The following PCDHA8 variants were observed in gnomAD, a reference collection of about 807,000 sequenced individuals.
PCDHA8 encodes protocadherin alpha-8.
Under a neutral mutation model 61.8 loss-of-function variants are expected in PCDHA8, and 53 were observed. The ratio of observed to expected loss-of-function variants is 0.86; its 90% confidence interval spans 0.69 to 1.08. The LOEUF (loss-of-function observed/expected upper bound fraction) is 1.08. PCDHA8 is among the 50% of genes least tolerant of loss of function. The pLI is 0.00. For missense variants in PCDHA8, 1,293 were observed against 1,245.0 expected, an observed-to-expected ratio of 1.04 and a Z score of -0.58; for synonymous variants, 618 against 556.6, an observed-to-expected ratio of 1.11 and a Z score of -1.55.
chr5:140,865,243 T>C (rs1554159328), intron 1 of PCDHA8: 1 of 152,228 alleles, frequency 6.6e-6, no homozygotes, highest in Non-Finnish European at 1.5e-5. Flanking sequence ...CACGTATTTA[T>C]AGCTGTAAGG....
intron 1 of PCDHA8, among the ~76,000 whole-genome samples, chr5:140,975,776 A>G (rs1554237009): frequency 1.3e-5 from 2 of 152,152 alleles, no homozygotes; most frequent in African/African-American, 2.4e-5. Flanking sequence ...AGATAATACC[A>G]TTACAAGATA....
intron 1 of PCDHA8, among the ~76,000 whole-genome samples, chr5:140,956,813 T>C (rs1306502330): frequency 6.6e-6 from 1 of 152,176 alleles, no homozygotes; most frequent in African/African-American, 2.4e-5. Context: ...TATTATTGCT[T>C]CAATTTGTAA....
intron 1 of PCDHA8, among the ~76,000 whole-genome samples, chr5:140,936,532 A>G (rs1431070462): frequency 6.6e-6 from 1 of 152,222 alleles, no homozygotes; most frequent in East Asian, 1.9e-4. Context: ...ATTGCTTTTG[A>G]ATATAGTGCA....
At chr5:140,987,893 G>A (rs571929057) in intron 3 of PCDHA8, among the ~76,000 whole-genome samples, 82 of 152,138 alleles carry the variant, frequency 5.4e-4, no homozygotes, top group Admixed American at 1.5e-3. Context: ...ATGTGCCCTA[G>A]TTTTATATGG....
rs528377796 is a variant in PCDHA8, at chr5:140,957,777, T to G, written c.2395-21172T>G. The stretch of plus-strand genomic sequence containing the variant: ...TTCATTATATATGTTAAGTAAAAAC[T>G]AAGTTCATCATATATGTTAAGTAAA... On this transcript the variant is annotated intron_variant, in intron 1 of 3. Coordinates refer to ENST00000531613, the MANE Select transcript of PCDHA8 (RefSeq NM_018911.3). 8.5e-5 allele frequency among the ~76,000 whole-genome samples: 13 copies of G among 152,182 alleles called. No individual in the cohort carries two copies. The South Asian group carries it at 1.7e-3, about 19-fold the overall frequency.
rs149837711 is a variant in PCDHA8 at position 140,940,786 on chromosome 5, G to A, written c.2395-38163G>A. Reference sequence around the variant, plus strand: ...TTTGACTTTTGATGGTCCATATCCTGAAAATGATATTTGCCAGGATATCCT... The same window carrying A: ...TTTGACTTTTGATGGTCCATATCCTAAAAATGATATTTGCCAGGATATCCT... On this transcript the variant is annotated intron_variant, in intron 1 of 3. Coordinates refer to ENST00000531613, the MANE Select transcript of PCDHA8 (RefSeq NM_018911.3). 1.1e-4 allele frequency among the ~76,000 whole-genome samples: 17 copies of A among 152,224 alleles called. 1 individual carries two copies. The East Asian group carries it at 2.9e-3, about 26-fold the overall frequency.
intron 1 of PCDHA8, among the ~76,000 whole-genome samples, chr5:140,903,136 A>C (rs1554190778): frequency 6.6e-6 from 1 of 152,212 alleles, no homozygotes; most frequent in Non-Finnish European, 1.5e-5. Flanking sequence ...AGAAATCTCC[A>C]AACTGTTTTC....
chr5:140,867,527 T>C (rs1238140449), intron 1 of PCDHA8: 1 of 152,106 alleles, frequency 6.6e-6, no homozygotes, highest in Non-Finnish European at 1.5e-5. Context: ...TAGTTGAATA[T>C]ATATATAAAA....
chr5:140,869,392 G>T, intron 1 of PCDHA8: 1 of 1,614,164 alleles, frequency 6.2e-7, no homozygotes, highest in Non-Finnish European at 8.5e-7. Flanking sequence ...GGAGCTGTGC[G>T]GGCAGAGCGC....
At chr5:140,992,205 T>C (rs2097498733) in intron 3 of PCDHA8, among the ~76,000 whole-genome samples, 1 of 152,186 alleles carries the variant, frequency 6.6e-6, no homozygotes, top group South Asian at 2.1e-4. Flanking sequence ...TCCAATCAGA[T>C]AAACTACTCT....
chr5:140,858,188 C>T, intron 1 of PCDHA8: 1 of 1,597,268 alleles, frequency 6.3e-7, no homozygotes, highest in Non-Finnish European at 8.6e-7. Context: ...GCTCACGCTG[C>T]TGCTGTACAC....
chr5:140,967,342 C>T (rs149890293), intron 1 of PCDHA8: 40 of 1,607,992 alleles, frequency 2.5e-5, no homozygotes, highest in Non-Finnish European at 3.4e-5. Context: ...CCAGCGAGCA[C>T]TTCGAGCTGG....
intron 1 of PCDHA8, among the ~76,000 whole-genome samples, chr5:140,912,002 A>T (rs1452427916): frequency 6.6e-6 from 1 of 152,236 alleles, no homozygotes; most frequent in Non-Finnish European, 1.5e-5. Flanking sequence ...ACAATAGGCC[A>T]TCTGCAAGCT....
intron 1 of PCDHA8, chr5:140,927,814 G>T: frequency 6.2e-7 from 1 of 1,614,172 alleles, no homozygotes; most frequent in Non-Finnish European, 8.5e-7. Flanking sequence ...GCTCTTGGAG[G>T]CATACATTGA....
In PCDHA8 at chr5:140,903,563, T is replaced by C. The variant is rs1459855021; in HGVS notation, c.2394+59848T>C. ...CAAGAAACTTTTCTAATAAGTGGAA[T>C]TGGGAGCTGTCTAGCTGGTGTTGGC... On this transcript the variant is annotated intron_variant, in intron 1 of 3. Transcript: ENST00000531613. Among the ~76,000 whole-genome samples the C allele has an allele frequency of 2.6e-5, 4 of 152,208 alleles. No individual in the cohort carries two copies. In the East Asian group the frequency reaches 5.8e-4, roughly 22 times the overall value.
rs1271034090 is a variant in PCDHA8 at position 140,842,237 on chromosome 5, G to T, written c.916G>T (p.Gly306Cys). ...DRNTGEIVIRGNLDFEQENLY... is the reference protein window; with the variant it reads ...DRNTGEIVIRCNLDFEQENLY... ...AAATACGGGAGAAATAGTGATTCGG[G>T]GTAATTTGGATTTTGAACAAGAAAA... Residue 306 changes from glycine (G) to cysteine (C), a missense_variant, in exon 1 of 4, where the codon GGT becomes TGT. Physicochemically the swap from Gly to Cys is radical, Grantham distance 159. Transcript: ENST00000531613. 1.9e-6 allele frequency: 3 copies of T among 1,612,294 alleles called. No individual in the cohort carries two copies. The highest frequency in any genetic ancestry group is 3.3e-5 in the Admixed American group (2 of 59,972).
chr5:140,980,504 C>G (rs1440940887), intron 2 of PCDHA8, among the ~76,000 whole-genome samples: 4 of 152,122 alleles, frequency 2.6e-5, no homozygotes, highest in Non-Finnish European at 5.9e-5. Flanking sequence ...ATGGCATGTG[C>G]CTGTAGTTCC....
At chr5:140,926,155 T>TGCAGCAGGATCCAGCGCGGAAAGCCCC (rs1563077309) in intron 1 of PCDHA8, among the ~76,000 whole-genome samples, 3 of 152,076 alleles carry the variant, frequency 2.0e-5, no homozygotes, top group African/African-American at 4.8e-5. Context: ...CGGAAAGCTC[T>TGCAGCAGGATCCAGCGCGGAAAGCCCC]GCAGCAGGAT....
At chr5:140,956,297 G>A (rs1449094533) in intron 1 of PCDHA8, among the ~76,000 whole-genome samples, 1 of 151,928 alleles carries the variant, frequency 6.6e-6, no homozygotes, top group African/African-American at 2.4e-5. Context: ...TCATATATAT[G>A]GCTCTTATTA....
Sources: gnomAD v4.1 joint callset for allele counts (sites outside exome capture counted in the v4.1 genomes callset) on GRCh38, gnomAD v4.1.1 for gene constraint, MANE v1.5 for transcripts, NCBI Gene and HGNC (gene_info 2026-07-23, HGNC 2026-07-21) for gene names.